Variants in ALK observed in about 807,000 individuals in gnomAD.
ALK encodes ALK receptor tyrosine kinase, also known as ALK tyrosine kinase receptor.
Under a neutral mutation model 163.1 loss-of-function variants are expected in ALK, and 74 were observed. The observed-to-expected ratio is 0.45, with a 90% confidence interval of 0.38 to 0.55. The LOEUF is 0.55. Ranked by LOEUF, ALK falls within the 20% of genes least tolerant of loss-of-function variation. The pLI is 0.00. For synonymous variants in ALK, 960 were observed against 843.2 expected (o/e 1.14, Z -2.40); for missense variants, 2,063 against 2,105.3 (o/e 0.98, Z 0.39).
At chr2:29,860,137 T>A (rs1398683352) in intron 1 of ALK, among the ~76,000 whole-genome samples, 1 of 152,168 alleles carries the variant, frequency 6.6e-6, no homozygotes, top group Non-Finnish European at 1.5e-5. Context: ...GGCCTTAAAA[T>A]GTTCCCCTTG....
chr2:29,617,423 G>A (rs1675878048), intron 3 of ALK, among the ~76,000 whole-genome samples: 2 of 152,256 alleles, frequency 1.3e-5, no homozygotes, highest in Non-Finnish European at 2.9e-5. Flanking sequence ...CTCGACAAGG[G>A]GCAAACCTTA....
intron 23 of ALK, 61 bp from the exon 24 acceptor site, chr2:29,214,142 G>T: frequency 1.4e-6 from 2 of 1,440,720 alleles, no homozygotes; most frequent in South Asian, 1.2e-5. Flanking sequence ...AGGGAAATCT[G>T]AAATGCTGGC....
intron 4 of ALK, among the ~76,000 whole-genome samples, chr2:29,396,391 C>A (rs563342685): frequency 6.6e-6 from 1 of 152,120 alleles, no homozygotes; most frequent in Non-Finnish European, 1.5e-5. Flanking sequence ...AAAACTCAAA[C>A]ATGGCCGGGT....
rs536523256 is a variant in ALK, at chr2:29,524,319, G to A, written c.1154+7596C>T. On this transcript the variant is annotated intron_variant, in intron 4 of 28. Coordinates refer to ENST00000389048, the MANE Select transcript of ALK (RefSeq NM_004304.5). ...CAGAATTAGATGACCAAATTTCAGA[G>A]GAGTCCTCCTGAGAAGAGCTTTTCC... 2.0e-5 allele frequency among the ~76,000 whole-genome samples: 3 copies of A among 152,326 alleles called. No homozygotes were observed. The East Asian group carries it at 5.8e-4, about 29-fold the overall frequency.
intron 1 of ALK, among the ~76,000 whole-genome samples, chr2:29,803,923 G>A (rs1033940786): frequency 1.3e-5 from 2 of 152,088 alleles, no homozygotes; most frequent in Admixed American, 1.3e-4. Context: ...AACTTAGGCT[G>A]AGAATAAATT....
intron 20 of ALK, among the ~76,000 whole-genome samples, chr2:29,222,863 A>G (rs190631663): frequency 6.6e-6 from 1 of 152,276 alleles, no homozygotes; most frequent in African/African-American, 2.4e-5. Context: ...TTCAATCAGT[A>G]GTTATTGAGT....
At chr2:29,689,869 T>C (rs1273780050) in intron 3 of ALK, among the ~76,000 whole-genome samples, 2 of 152,014 alleles carry the variant, frequency 1.3e-5, no homozygotes, top group African/African-American at 4.8e-5. Flanking sequence ...GAGGAAGAGT[T>C]TGGAGTGAGA....
chr2:29,462,688 G>C (rs112259024), intron 4 of ALK, among the ~76,000 whole-genome samples: 1 of 152,154 alleles, frequency 6.6e-6, no homozygotes, highest in Non-Finnish European at 1.5e-5. Context: ...TTGCTTTATC[G>C]TGGTGGTCTG....
intron 4 of ALK, among the ~76,000 whole-genome samples, chr2:29,506,174 T>C (rs1326793790): frequency 6.6e-6 from 1 of 152,210 alleles, no homozygotes; most frequent in African/African-American, 2.4e-5. Context: ...CTTGATTTCC[T>C]TTGCCCTTGT....
chr2:29,673,581 C>G (rs1363014157), intron 3 of ALK, among the ~76,000 whole-genome samples: 1 of 136,844 alleles, frequency 7.3e-6, no homozygotes, highest in Non-Finnish European at 1.6e-5. Flanking sequence ...GTTACTGTAG[C>G]CTTGTAGTAT....
chr2:29,756,430 G>A (rs1173424723), intron 1 of ALK, among the ~76,000 whole-genome samples: 1 of 152,084 alleles, frequency 6.6e-6, no homozygotes, highest in Non-Finnish European at 1.5e-5. Context: ...GTCTCAGCAT[G>A]TAGTCAATCC....
At chr2:29,496,229 C>CT (rs1313103457) in intron 4 of ALK, among the ~76,000 whole-genome samples, 1 of 152,150 alleles carries the variant, frequency 6.6e-6, no homozygotes, top group Admixed American at 6.5e-5. Context: ...TTATAAACAG[C>CT]TTTTTTGCTC....
chr2:29,369,620 C>T (rs80310539), intron 5 of ALK, among the ~76,000 whole-genome samples: 10,582 of 152,066 alleles, frequency 0.07, 481 homozygotes, highest in Non-Finnish European at 0.11. Context: ...GGCAATTCCA[C>T]GGCCCAGGTT....
chr2:29,902,970 G>A (rs1667454612), intron 1 of ALK, among the ~76,000 whole-genome samples: 1 of 152,128 alleles, frequency 6.6e-6, no homozygotes, highest in Non-Finnish European at 1.5e-5. Context: ...TCAACCTGGT[G>A]GGGTTGGTAT....
At chr2:29,538,734 T>G (rs1673330211) in intron 3 of ALK, among the ~76,000 whole-genome samples, 3 of 152,330 alleles carry the variant, frequency 2.0e-5, no homozygotes, top group Middle Eastern at 6.8e-3. Context: ...TGGAAAATTT[T>G]TTTTTAAGGA....
At chr2:29,758,498 T>C (rs1226290256) in intron 1 of ALK, among the ~76,000 whole-genome samples, 1 of 152,188 alleles carries the variant, frequency 6.6e-6, no homozygotes, top group African/African-American at 2.4e-5. Flanking sequence ...AGGGTTTCAC[T>C]GCCCATGGGA....
At chr2:29,568,209 A>G (rs1348269741) in intron 3 of ALK, among the ~76,000 whole-genome samples, 1 of 152,232 alleles carries the variant, frequency 6.6e-6, no homozygotes, top group Admixed American at 6.5e-5. Context: ...CGGAGCACTG[A>G]ACTGAAAAAG....
chr2:29,648,197 T>G (rs1228268833), intron 3 of ALK, among the ~76,000 whole-genome samples: 2 of 152,174 alleles, frequency 1.3e-5, no homozygotes, highest in African/African-American at 4.8e-5. Flanking sequence ...GTTTAAACAT[T>G]TTTTAATTTT....
At chr2:29,279,390 T>C (rs1051302903) in intron 9 of ALK, among the ~76,000 whole-genome samples, 2 of 152,050 alleles carry the variant, frequency 1.3e-5, no homozygotes, top group Admixed American at 1.3e-4. Context: ...CCCTCCCCCA[T>C]GGCTCCAGCC....
Sources: allele counts gnomAD v4.1 joint callset (sites outside exome capture counted in the v4.1 genomes callset), GRCh38; gene constraint gnomAD v4.1.1; transcripts MANE v1.5; gene names NCBI Gene and HGNC (gene_info 2026-07-23, HGNC 2026-07-21).